SERPINI1: variants seen among roughly 807,000 people sequenced by gnomAD.
SERPINI1 encodes the protein serpin family I member 1, also known as neuroserpin.
In SERPINI1, 19 loss-of-function variants were observed where a neutral mutation model predicts 41.1. That is an observed-to-expected ratio of 0.46 (90% CI 0.32 to 0.68). The LOEUF (loss-of-function observed/expected upper bound fraction) is 0.68. SERPINI1 is among the 30% of genes least tolerant of loss of function. The pLI, the probability that SERPINI1 is intolerant of heterozygous loss-of-function variation, is 0.03. For missense variants in SERPINI1, 460 were observed against 479.2 expected, an observed-to-expected ratio of 0.96 and a Z score of 0.37; for synonymous variants, 138 against 156.6, an observed-to-expected ratio of 0.88 and a Z score of 0.89.
intron 1 of SERPINI1, 72 bp from the exon 2 acceptor site, chr3:167,789,039 C>T (rs1348724317): frequency 1.4e-6 from 2 of 1,465,480 alleles, no homozygotes; most frequent in Non-Finnish European, 1.9e-6. Flanking sequence ...GTAGAACCTC[C>T]CAACATATCC....
At chr3:167,772,170 G>A (rs1051605745) in intron 1 of SERPINI1, among the ~76,000 whole-genome samples, 1 of 152,192 alleles carries the variant, frequency 6.6e-6, no homozygotes, top group South Asian at 2.1e-4. Flanking sequence ...ATGTCTGGAA[G>A]TTTGGTTCAT....
chr3:167,780,358 G>A (rs1727082308), intron 1 of SERPINI1, among the ~76,000 whole-genome samples: 1 of 152,110 alleles, frequency 6.6e-6, no homozygotes, highest in South Asian at 2.1e-4. Context: ...TTATATACCT[G>A]AGGTTACACA....
intron 6 of SERPINI1, among the ~76,000 whole-genome samples, chr3:167,820,680 C>T (rs1000062460): frequency 2.6e-5 from 4 of 152,164 alleles, no homozygotes; most frequent in African/African-American, 7.2e-5. Context: ...CTGCAGGCGC[C>T]GCTCAGCACG....
chr3:167,780,170 A>G (rs1420275950), intron 1 of SERPINI1, among the ~76,000 whole-genome samples: 2 of 152,172 alleles, frequency 1.3e-5, no homozygotes, highest in Non-Finnish European at 2.9e-5. Context: ...CTTTTGAATC[A>G]CTTTGTCCAT....
chr3:167,817,689 C>A (rs1305023070), intron 6 of SERPINI1, among the ~76,000 whole-genome samples: 2 of 151,898 alleles, frequency 1.3e-5, no homozygotes, highest in Non-Finnish European at 2.9e-5. Context: ...GCTCTGCCTC[C>A]TGGGTTCACG....
chr3:167,811,363 A>T (rs1327242339), intron 6 of SERPINI1, among the ~76,000 whole-genome samples: 1 of 151,774 alleles, frequency 6.6e-6, no homozygotes, highest in Non-Finnish European at 1.5e-5. Flanking sequence ...CCTATACTGG[A>T]GAAAGCATGT....
At chr3:167,753,866 A>G (rs549783354) in intron 1 of SERPINI1, among the ~76,000 whole-genome samples, 2 of 152,358 alleles carry the variant, frequency 1.3e-5, no homozygotes, top group African/African-American at 4.8e-5. Context: ...TTATATAGTG[A>G]TGCTACTGTC....
chr3:167,746,037 G>A (rs1448899217), intron 1 of SERPINI1, among the ~76,000 whole-genome samples: 1 of 152,032 alleles, frequency 6.6e-6, no homozygotes, highest in African/African-American at 2.4e-5. Flanking sequence ...CACTTTTTTT[G>A]CAGCAATTGA....
intron 1 of SERPINI1, among the ~76,000 whole-genome samples, chr3:167,741,917 CTT>C (rs1466446505): frequency 6.7e-6 from 1 of 150,308 alleles, no homozygotes; most frequent in Non-Finnish European, 1.5e-5. Context: ...AATTACGAAA[CTT>C]TTAAAAAAAT....
intron 3 of SERPINI1, 30 bp downstream of exon 3, chr3:167,790,632 G>A: frequency 6.6e-7 from 1 of 1,507,714 alleles, no homozygotes; most frequent in Non-Finnish European, 9.2e-7. Context: ...TCTTCCTCTA[G>A]TAGCTTAGTT....
At chr3:167,740,511 T>C (rs1725645458) in intron 1 of SERPINI1, among the ~76,000 whole-genome samples, 1 of 152,242 alleles carries the variant, frequency 6.6e-6, no homozygotes, top group Non-Finnish European at 1.5e-5. Flanking sequence ...TGGATAACTA[T>C]TTGGTAATCT....
chr3:167,764,789 A>G (rs980797633), intron 1 of SERPINI1, among the ~76,000 whole-genome samples: 3 of 152,184 alleles, frequency 2.0e-5, no homozygotes, highest in Non-Finnish European at 4.4e-5. Context: ...CATAGATACA[A>G]TGGGGGTACA....
chr3:167,766,495 G>A (rs183251193), intron 1 of SERPINI1, among the ~76,000 whole-genome samples: 4 of 152,178 alleles, frequency 2.6e-5, no homozygotes, highest in African/African-American at 7.2e-5. Flanking sequence ...TGGGAATTAC[G>A]GGTGCTACAA....
chr3:167,745,051 A>ACC (rs1725823642), intron 1 of SERPINI1, among the ~76,000 whole-genome samples: 3 of 151,098 alleles, frequency 2.0e-5, no homozygotes, highest in Admixed American at 6.6e-5. Flanking sequence ...TTGTTGGAGA[A>ACC]CACTATGAAC....
intron 1 of SERPINI1, among the ~76,000 whole-genome samples, chr3:167,753,296 G>A (rs1015544845): frequency 2.6e-5 from 4 of 152,020 alleles, no homozygotes; most frequent in African/African-American, 9.7e-5. Flanking sequence ...TCTATTTTGT[G>A]TAGAGGGCAC....
chr3:167,752,656 A>G (rs987902353), intron 1 of SERPINI1, among the ~76,000 whole-genome samples: 1 of 151,946 alleles, frequency 6.6e-6, no homozygotes, highest in Non-Finnish European at 1.5e-5. Flanking sequence ...ATAACTTTAT[A>G]AATTATACTG....
chr3:167,775,567 T>A (rs776125837), intron 1 of SERPINI1, among the ~76,000 whole-genome samples: 5 of 152,122 alleles, frequency 3.3e-5, no homozygotes, highest in Non-Finnish European at 7.4e-5. Context: ...TTTTAGACTT[T>A]CAGGGACACA....
intron 1 of SERPINI1, among the ~76,000 whole-genome samples, chr3:167,779,833 C>T (rs1189006285): frequency 1.3e-5 from 2 of 152,062 alleles, no homozygotes; most frequent in Non-Finnish European, 2.9e-5. Context: ...TCTCCTATTA[C>T]AAACTCCAAG....
chr3:167,772,864 C>CTCTCTATATATATATA (rs1374013676), intron 1 of SERPINI1, among the ~76,000 whole-genome samples: 38 of 24,590 alleles, frequency 1.5e-3, no homozygotes, highest in East Asian at 3.4e-3. Context: ...CTCTCTCTCT[C>CTCTCTATATATATATA]TATATATATA....
Sources: gnomAD v4.1 joint callset for allele counts (sites outside exome capture counted in the v4.1 genomes callset) on GRCh38, gnomAD v4.1.1 for gene constraint, MANE v1.5 for transcripts, NCBI Gene and HGNC (gene_info 2026-07-23, HGNC 2026-07-21) for gene names.